The following NIN variants were observed in gnomAD, a reference collection of about 807,000 sequenced individuals.
NIN encodes the protein ninein.
Under a neutral mutation model 257.6 loss-of-function variants are expected in NIN, and 137 were observed. That is an observed-to-expected ratio of 0.53 (90% confidence interval 0.46 to 0.61). NIN has a LOEUF of 0.61. NIN is among the 20% of genes least tolerant of loss of function. NIN has a pLI of 0.00. For missense variants in NIN, 2,439 were observed against 2,501.2 expected (o/e 0.98, Z 0.53); for synonymous variants, 918 against 919.8 (o/e 1.00, Z 0.04).
chr14:50,743,406 G>A lies in NIN; in HGVS notation c.5301+10C>T. ...TAACCGTGAAGATGAAACAAGAATT[G>A]TCCATGTACCTTTTCCTGAGAAGCC... On this transcript the variant is annotated intron_variant, in intron 24 of 30. Coordinates refer to ENST00000530997, the MANE Select transcript of NIN (RefSeq NM_020921.4). The A allele has an allele frequency of 6.6e-7, 1 of 1,519,694 alleles. No homozygotes were observed. The highest frequency in any genetic ancestry group is 9.1e-7 in the Non-Finnish European group (1 of 1,093,906). The allele number at this position is 1,519,694 out of a possible 1,614,324, so 94.1% of individuals were successfully genotyped here.
Position 50,744,242 on chromosome 14 carries a change from C to A in NIN, c.5187+1G>T, listed in dbSNP as rs1566794574. The A allele has an allele frequency of 1.2e-6, 2 of 1,613,570 alleles. 1 individual carries two copies. Among genetic ancestry groups the A allele is most frequent in the Admixed American group, 3.3e-5 (2 of 60,002 alleles). ...TGGTAAAGTCTTATTACTTCTACTA[C>A]CTTATCGACACAGCTATTTAATTCC... On this transcript the variant is annotated splice_donor_variant, in intron 23 of 30. Coordinates refer to ENST00000530997, the MANE Select transcript of NIN (RefSeq NM_020921.4). LOFTEE classifies it high-confidence loss of function.
At chr14:50,730,849 C>T (rs1402557725) in intron 28 of NIN, 18 of 1,173,256 alleles carry the variant, frequency 1.5e-5, no homozygotes, top group Non-Finnish European at 1.8e-5. Flanking sequence ...TTACAATCAA[C>T]AGAAATAACA....
chr14:50,824,389 C>CTCCT, intron 2 of NIN, among the ~76,000 whole-genome samples: 1 of 152,282 alleles, frequency 6.6e-6, no homozygotes, highest in African/African-American at 2.4e-5. Context: ...TTTATTTCAT[C>CTCCT]TCCTTCCTTC....
At chr14:50,778,529 A>G (rs2043005909) in intron 6 of NIN, among the ~76,000 whole-genome samples, 2 of 152,250 alleles carry the variant, frequency 1.3e-5, no homozygotes, top group Non-Finnish European at 2.9e-5. Context: ...GAAAGTCTGT[A>G]TAAGAGAGAA....
Position 50,758,587 on chromosome 14 carries a change from C to T in NIN, c.2443G>A (p.Glu815Lys), listed in dbSNP as rs1358501543. ...TECNRRTSQI[E>K]AQFQSDCQKV... ...TGACAATCAGACTGAAACTGGGCTT[C>T]TATTTGAGAGGTTCTTCTATTACAC... The change falls in exon 18 of 31, where the codon GAA becomes AAA. Residue 815 changes from glutamate to lysine, a missense_variant. Glu to Lys is a moderately conservative substitution (Grantham distance 56). This residue lies in a region of NIN where 2,043 missense variants were observed against 2,050.2 expected (regional missense o/e 1.00). Coordinates refer to ENST00000530997, the MANE Select transcript of NIN (RefSeq NM_020921.4). The T allele has an allele frequency of 6.2e-7, 1 of 1,600,164 alleles. No individual in the cohort carries two copies. The highest frequency in any genetic ancestry group is 8.5e-7 in the Non-Finnish European group (1 of 1,174,706).
chr14:50,786,178 G>A (rs1351052415), intron 5 of NIN, among the ~76,000 whole-genome samples: 1 of 152,064 alleles, frequency 6.6e-6, no homozygotes, highest in African/African-American at 2.4e-5. Flanking sequence ...TTGGTTCACT[G>A]GATTTTAAAG....
chr14:50,734,082 C>A (rs1004359238), intron 28 of NIN, among the ~76,000 whole-genome samples: 1 of 143,600 alleles, frequency 7.0e-6, no homozygotes, highest in African/African-American at 2.7e-5. Flanking sequence ...TCTTTTTCTT[C>A]TTTATTTTTT....
intron 12 of NIN, among the ~76,000 whole-genome samples, chr14:50,767,402 A>G (rs2042532248): frequency 6.6e-6 from 1 of 152,236 alleles, no homozygotes; most frequent in African/African-American, 2.4e-5. Context: ...TATCTATTGG[A>G]CAGCATTGCA....
chr14:50,787,903 G>A (rs1472371889), intron 5 of NIN, among the ~76,000 whole-genome samples: 1 of 152,148 alleles, frequency 6.6e-6, no homozygotes, highest in East Asian at 1.9e-4. Context: ...GAAGAGACAT[G>A]CTTAGTAGCT....
At chr14:50,814,358 C>A (rs1057411901) in intron 3 of NIN, among the ~76,000 whole-genome samples, 4 of 152,160 alleles carry the variant, frequency 2.6e-5, no homozygotes, top group Non-Finnish European at 5.9e-5. Flanking sequence ...AAGAGCCATT[C>A]TGGGTGTGTA....
chr14:50,749,792 C>T (rs775379344), intron 21 of NIN, among the ~76,000 whole-genome samples: 16 of 152,058 alleles, frequency 1.1e-4, no homozygotes, highest in East Asian at 1.9e-4. Context: ...CAGGCTCAAG[C>T]GATTCTCCTG....
At chr14:50,742,055 T>A (rs1325729767) in intron 24 of NIN, 1 of 226,768 alleles carries the variant, frequency 4.4e-6, no homozygotes, top group Non-Finnish European at 8.7e-6. Context: ...GTAGAAATTG[T>A]TTTAGCCTAT....
rs773011677 is a variant in NIN, at chr14:50,821,989, G to A, written c.68C>T (p.Thr23Met). 2.4e-5 allele frequency: 39 copies of A among 1,613,996 alleles called. No individual in the cohort carries two copies. The Admixed American group carries it at 2.7e-4, about 11-fold the overall frequency. ...LKELFDSFDT[T>M]GTGSLGQEEL... ...CTCCTGCCCCAGGGACCCTGTGCCCGTCGTGTCAAAACTGTCAAACAGCTC... is the reference window on the plus strand; with the variant it reads ...CTCCTGCCCCAGGGACCCTGTGCCCATCGTGTCAAAACTGTCAAACAGCTC... The change falls in exon 3 of 31, where the codon ACG (threonine) becomes ATG (methionine). Residue 23 changes from threonine (T) to methionine (M), a missense_variant. Physicochemically the swap from Thr to Met is moderately conservative, Grantham distance 81. Coordinates refer to ENST00000530997, the MANE Select transcript of NIN (RefSeq NM_020921.4).
chr14:50,770,687 C>G, intron 11 of NIN, 125 bp from the exon 12 acceptor site: 5 of 1,355,178 alleles, frequency 3.7e-6, no homozygotes, highest in Non-Finnish European at 5.0e-6. Flanking sequence ...CTAGTGTACC[C>G]TGCTTTCCCT....
intron 3 of NIN, among the ~76,000 whole-genome samples, chr14:50,809,888 C>T (rs1225662468): frequency 6.6e-6 from 1 of 151,928 alleles, no homozygotes; most frequent in East Asian, 1.9e-4. Context: ...CTACAGACAA[C>T]CAGGAAAGAA....
intron 27 of NIN, among the ~76,000 whole-genome samples, chr14:50,737,284 G>A (rs1296661594): frequency 6.6e-6 from 1 of 152,096 alleles, no homozygotes; most frequent in East Asian, 1.9e-4. Flanking sequence ...CAAGCAGCCA[G>A]CAAGGAACAG....
At chr14:50,729,221 ATC>A (rs1301080448) in intron 29 of NIN, among the ~76,000 whole-genome samples, 3 of 151,982 alleles carry the variant, frequency 2.0e-5, no homozygotes, top group East Asian at 1.9e-4. Flanking sequence ...CAGGTTAAAT[ATC>A]TCTCTGAAAG....
At chr14:50,808,230 A>T (rs539808797) in intron 3 of NIN, among the ~76,000 whole-genome samples, 2 of 152,298 alleles carry the variant, frequency 1.3e-5, no homozygotes, top group East Asian at 3.9e-4. Flanking sequence ...TTTCACAGCC[A>T]AACATCCTGG....
chr14:50,746,034 TAAAAAAAAA>T (rs35691375), intron 22 of NIN, among the ~76,000 whole-genome samples: 1 of 135,424 alleles, frequency 7.4e-6, no homozygotes, highest in Non-Finnish European at 1.6e-5. Context: ...AATGCTTGTT[TAAAAAAAAA>T]AAAAAAAAAG....
Sources: gnomAD v4.1 joint callset for allele counts (sites outside exome capture counted in the v4.1 genomes callset) on GRCh38, gnomAD v4.1.1 for gene constraint, gnomAD v4.1.1 regional missense constraint, MANE v1.5 for transcripts, NCBI Gene and HGNC (gene_info 2026-07-23, HGNC 2026-07-21) for gene names.